SALL1: variants seen among roughly 807,000 people sequenced by gnomAD.
The protein encoded by SALL1 is sal-like protein 1.
Under a neutral mutation model 73.1 loss-of-function variants are expected in SALL1, and 10 were observed. That is an observed-to-expected ratio of 0.14 (90% CI 0.08 to 0.23). The LOEUF (loss-of-function observed/expected upper bound fraction) is 0.23. Ranked by LOEUF, SALL1 falls within the 10% of genes least tolerant of loss-of-function variation. SALL1 has a pLI of 1.00. For missense variants in SALL1, 1,520 were observed against 1,697.3 expected, an observed-to-expected ratio of 0.90 and a Z score of 1.84; for synonymous variants, 688 against 689.8, an observed-to-expected ratio of 1.00 and a Z score of 0.04.
chr16:51,140,591 G>A lies in SALL1; in HGVS notation c.1631C>T (p.Thr544Ile), dbSNP rs193142371. ...PEKPVTSWLD[T>I]KPVLPTLTTS... Reference sequence around the variant, plus strand: ...GGTCAGAGTAGGCAGGACTGGTTTGGTGTCTAGCCAGCTGGTGACTGGCTT... The same window carrying A: ...GGTCAGAGTAGGCAGGACTGGTTTGATGTCTAGCCAGCTGGTGACTGGCTT... The change falls in exon 2 of 3, where the codon ACC becomes ATC. Residue 544 changes from threonine to isoleucine, a missense_variant. Thr to Ile is a moderately conservative substitution (Grantham distance 89). This residue lies in a region of SALL1 where 276 missense variants were observed against 259.1 expected (regional missense o/e 1.07). Coordinates refer to ENST00000251020, the MANE Select transcript of SALL1 (RefSeq NM_002968.3). This position sits in a 1 kb window ranked among gnomAD's most constrained non-coding sequence, Gnocchi z 5.7. 10 of 1,614,076 alleles carry A rather than the reference G, an allele frequency of 6.2e-6. No individual in the cohort carries two copies. Among genetic ancestry groups the A allele is most frequent in the Non-Finnish European group, 8.5e-6 (10 of 1,179,958 alleles).
intron 1 of SALL1, chr16:51,150,831 C>T: frequency 4.1e-6 from 1 of 246,030 alleles, no homozygotes; most frequent in East Asian, 7.5e-5. Flanking sequence ...CCTCATGGGG[C>T]TCCCGGGTCT....
rs201235452 is a variant in SALL1 at position 51,137,284 on chromosome 16, C to T, written c.3803G>A (p.Gly1268Asp). The change falls in exon 3 of 3, where the codon GGC becomes GAC. Residue 1268 changes from glycine to aspartate, a missense_variant. Gly to Asp is a moderately conservative substitution (Grantham distance 94, BLOSUM62 -1). Transcript: ENST00000251020. ...GGIPPIPGSLGSGNSSPVSGL... is the reference protein window; with the variant it reads ...GGIPPIPGSLDSGNSSPVSGL... ...ACTAACAGGTGAGCTGTTCCCACTG[C>T]CGAGGCTTCCAGGAATTGGAGGGAT... 1 of 1,614,094 alleles carries T rather than the reference C, an allele frequency of 6.2e-7. No individual in the cohort carries two copies. Among genetic ancestry groups the T allele is most frequent in the Admixed American group, 1.7e-5 (1 of 60,006 alleles).
rs1597231222 is a variant in SALL1, at chr16:51,141,731, C to G, written c.491G>C (p.Ser164Thr). ...SSSSSSGGGG[S>T]SSTGTSAITT... ...GATCGCTGAGGTACCTGTGGAGGAG[C>G]TGCCGCCGCCGCCGCTGCTGCTGCT... is the stretch of plus-strand genomic sequence containing the variant. Residue 164 changes from serine (S) to threonine (T), a missense_variant, in exon 2 of 3, where the codon AGC becomes ACC. Physicochemically the swap from Ser to Thr is moderately conservative, Grantham distance 58. Coordinates refer to ENST00000251020, the MANE Select transcript of SALL1 (RefSeq NM_002968.3). The surrounding 1 kb of genome is among the most constrained non-coding windows in gnomAD (Gnocchi z 5.4). The G allele has an allele frequency of 6.2e-7, 1 of 1,612,536 alleles. No individual in the cohort carries two copies. Among genetic ancestry groups the G allele is most frequent in the South Asian group, 1.1e-5 (1 of 91,020 alleles).
rs747269559 is a variant in SALL1, at chr16:51,141,684, C to T, written c.538G>A (p.Gly180Arg). The T allele has an allele frequency of 1.3e-5, 21 of 1,613,516 alleles. No individual in the cohort carries two copies. Among genetic ancestry groups the T allele is most frequent in the East Asian group, 4.5e-5 (2 of 44,848 alleles). The stretch of plus-strand genomic sequence containing the variant: ...AAGTTGCCCAGTGTTGTCAGGTCCC[C>T]GAGTTGAGGTAGAGAGGTTGTGATC... Reference protein sequence around the residue: ...SAITTSLPQLGDLTTLGNFSV... With the variant: ...SAITTSLPQLRDLTTLGNFSV... The change falls in exon 2 of 3, where the codon GGG becomes AGG. Residue 180 changes from glycine to arginine, a missense_variant. Around this residue, in one of 7 missense-constraint regions of SALL1, gnomAD observed 540 missense variants for 567.5 expected, o/e 0.95. Transcript: ENST00000251020. This position sits in a 1 kb window ranked among gnomAD's most constrained non-coding sequence, Gnocchi z 5.4.
intron 1 of SALL1, chr16:51,143,404 GA>G: frequency 3.8e-6 from 1 of 261,538 alleles, no homozygotes; most frequent in African/African-American, 3.7e-5. Context: ...GGTCATCTAC[GA>G]AGGCTGTGAA....
upstream of SALL1, among the ~76,000 whole-genome samples, chr16:51,151,806 C>T (rs2143481796): frequency 6.6e-6 from 1 of 151,596 alleles, no homozygotes; most frequent in South Asian, 2.1e-4. Flanking sequence ...GGAATTGAGC[C>T]GCCCCGGGTG....
At position 51,137,205 on chromosome 16, in the gene SALL1, CA is replaced by C; in HGVS notation, c.3881del (p.Leu1294ArgfsTer86). Reference sequence around the variant, plus strand: ...TGCTTGCCATTTTCTCCAGGCCGGCCAGGGGAGCATTGGGCTCTGAGTTCTG... The same window carrying C: ...TGCTTGCCATTTTCTCCAGGCCGGCCGGGGAGCATTGGGCTCTGAGTTCTG... ...RLQNSEPNAP[L>X]AGLEKMASSE... On this transcript the variant is annotated frameshift_variant, in exon 3 of 3. Coordinates refer to ENST00000251020, the MANE Select transcript of SALL1 (RefSeq NM_002968.3). LOFTEE classifies it high-confidence loss of function. 1 of 1,614,162 alleles carries C rather than the reference CA, an allele frequency of 6.2e-7. No individual in the cohort carries two copies. The highest frequency in any genetic ancestry group is 2.2e-5 in the East Asian group (1 of 44,870).
intron 1 of SALL1, among the ~76,000 whole-genome samples, chr16:51,147,124 G>A (rs1425304910): frequency 1.3e-5 from 2 of 152,266 alleles, no homozygotes; most frequent in Non-Finnish European, 2.9e-5. Context: ...ACCTCCAAAA[G>A]TATAAAGAAA....
Position 51,140,239 on chromosome 16 carries a change from A to C in SALL1, c.1983T>G (p.Pro661=). ...ACTGCTCGGACATGAGCGGCAACAAAGGGTTGGTGAAGGTGGTGGCACTGC... is the reference window on the plus strand; with the variant it reads ...ACTGCTCGGACATGAGCGGCAACAACGGGTTGGTGAAGGTGGTGGCACTGC... ...PAGSATTFTN[P]LLPLMSEQFK... is the part of the protein sequence containing the mutation. The change falls in exon 2 of 3, where the codon CCT becomes CCG. Residue 661 remains proline (P), a synonymous_variant. Coordinates refer to ENST00000251020, the MANE Select transcript of SALL1 (RefSeq NM_002968.3). This position sits in a 1 kb window ranked among gnomAD's most constrained non-coding sequence, Gnocchi z 5.7. 1 of 1,614,118 alleles carries C rather than the reference A, an allele frequency of 6.2e-7. No homozygotes were observed. Among genetic ancestry groups the C allele is most frequent in the Non-Finnish European group, 8.5e-7 (1 of 1,180,028 alleles).
At chr16:51,142,250 T>G (rs1163451089) in intron 1 of SALL1, 105 bp from the exon 2 acceptor site, 5 of 888,854 alleles carry the variant, frequency 5.6e-6, no homozygotes, top group Non-Finnish European at 9.2e-6. Flanking sequence ...CCTGCAAAAC[T>G]CAAAACTGTA....
chr16:51,142,106 C>T lies in SALL1; in HGVS notation c.116G>A (p.Ser39Asn). The change falls in exon 2 of 3, where the codon AGC becomes AAC. Residue 39 changes from serine (S) to asparagine (N), a missense_variant. By Grantham distance (46) the Ser-to-Asn change is conservative. Coordinates refer to ENST00000251020, the MANE Select transcript of SALL1 (RefSeq NM_002968.3). ...EKGQPSRPTK[S>N]KDAHVCGRCC... ...CCGGCCACAGACGTGGGCATCCTTG[C>T]TCTTAGTAGGGCGACTCGGTTGACC... 1 of 1,613,636 alleles carries T rather than the reference C, an allele frequency of 6.2e-7. No individual in the cohort carries two copies. The highest frequency in any genetic ancestry group is 8.5e-7 in the Non-Finnish European group (1 of 1,179,984).
At position 51,136,985 on chromosome 16, in the gene SALL1, ATGTTGTAG is replaced by A; in HGVS notation, c.*119_*126del. 1 of 729,828 alleles carries A rather than the reference ATGTTGTAG, an allele frequency of 1.4e-6. No individual in the cohort carries two copies. The highest frequency in any genetic ancestry group is 2.3e-6 in the Non-Finnish European group (1 of 436,608). The allele number at this position is 729,828 out of a possible 1,614,324, so 45.2% of individuals were successfully genotyped here. ...CAAGGTACAAAAGAATGTCTTCATA[ATGTTGTAG>A]TTCATAGATCTGGGGAACAGAAGGA... On this transcript the variant is annotated 3_prime_UTR_variant, in exon 3 of 3. Transcript: ENST00000251020.
In SALL1 at chr16:51,141,716, G is replaced by A. The variant is rs1290901790; in HGVS notation, c.506C>T (p.Thr169Ile). 3.7e-6 allele frequency: 6 copies of A among 1,613,446 alleles called. No individual in the cohort carries two copies. Among genetic ancestry groups the A allele is most frequent in the Non-Finnish European group, 4.2e-6 (5 of 1,180,010 alleles). Residue 169 changes from threonine (T) to isoleucine (I), a missense_variant, in exon 2 of 3, where the codon ACC (threonine) becomes ATC (isoleucine). Transcript: ENST00000251020. The surrounding 1 kb of genome is among the most constrained non-coding windows in gnomAD (Gnocchi z 5.4). ...SGGGGSSSTG[T>I]SAITTSLPQL... ...AGGTAGAGAGGTTGTGATCGCTGAG[G>A]TACCTGTGGAGGAGCTGCCGCCGCC...
chr16:51,151,939 G>A (rs1486412665), upstream of SALL1, among the ~76,000 whole-genome samples: 2 of 151,656 alleles, frequency 1.3e-5, no homozygotes, highest in African/African-American at 2.4e-5. Context: ...GATCAGGGGG[G>A]AGGGCGTCCC....
chr16:51,140,707 A>C lies in SALL1; in HGVS notation c.1515T>G (p.His505Gln). Residue 505 changes from histidine (H) to glutamine (Q), a missense_variant, in exon 2 of 3, where the codon CAT becomes CAG. Transcript: ENST00000251020. The surrounding 1 kb of genome is among the most constrained non-coding windows in gnomAD (Gnocchi z 5.7). ...HFQRHKEKYP[H>Q]IQMNPYPVPE... ...GCACAGGATAGGGGTTCATCTGGAT[A>C]TGAGGGTATTTCTCTTTGTGGCGCT... 1 of 1,614,140 alleles carries C rather than the reference A, an allele frequency of 6.2e-7. No individual in the cohort carries two copies. The highest frequency in any genetic ancestry group is 1.3e-5 in the African/African-American group (1 of 75,036).
intron 2 of SALL1, among the ~76,000 whole-genome samples, 195 bp downstream of exon 2, chr16:51,138,493 T>C (rs1962351390): frequency 6.6e-6 from 1 of 152,172 alleles, no homozygotes. Flanking sequence ...CTTGCCCTTG[T>C]CCCTGCCATG....
At chr16:51,143,764 G>A (rs1176628667) in intron 1 of SALL1, among the ~76,000 whole-genome samples, 2 of 152,126 alleles carry the variant, frequency 1.3e-5, no homozygotes, top group Admixed American at 1.3e-4. Context: ...TAGAATCCCT[G>A]GTGAAGTATG....
At chr16:51,146,246 T>C (rs535853481) in intron 1 of SALL1, among the ~76,000 whole-genome samples, 2 of 152,276 alleles carry the variant, frequency 1.3e-5, no homozygotes, top group South Asian at 4.1e-4. Context: ...GTGAAATCTC[T>C]GAAAAAATAA....
chr16:51,139,471 T>C lies in SALL1; in HGVS notation c.2751A>G (p.Pro917=). ...GDMESQSAGS[P]AISESTSSMQ... ...TGGAAGAGGTAGACTCTGAGATGGC[T>C]GGGCTGCCAGCACTTTGGCTTTCCA... Residue 917 remains proline, a synonymous_variant, in exon 2 of 3, where the codon CCA becomes CCG. Coordinates refer to ENST00000251020, the MANE Select transcript of SALL1 (RefSeq NM_002968.3). 1.2e-6 allele frequency: 2 copies of C among 1,614,202 alleles called. No homozygotes were observed. The highest frequency in any genetic ancestry group is 1.7e-6 in the Non-Finnish European group (2 of 1,180,034).
Sources: gnomAD v4.1 joint callset for allele counts (sites outside exome capture counted in the v4.1 genomes callset) on GRCh38, gnomAD v4.1.1 for gene constraint, gnomAD v4.1.1 regional missense constraint, Gnocchi (gnomAD v3.1) non-coding constraint, MANE v1.5 for transcripts, NCBI Gene and HGNC (gene_info 2026-07-23, HGNC 2026-07-21) for gene names.